The following GSE1 variants were observed in gnomAD, a reference collection of about 807,000 sequenced individuals.
The protein encoded by GSE1 is Gse1 coiled-coil protein.
Under a neutral mutation model 112.6 loss-of-function variants are expected in GSE1, and 32 were observed. The observed-to-expected ratio is 0.28, with a 90% CI of 0.21 to 0.38. The LOEUF is 0.38. Ranked by LOEUF, GSE1 falls within the 10% of genes least tolerant of loss-of-function variation. The probability of loss-of-function intolerance (pLI) is 1.00; values close to 1 mark genes in which losing one functional copy is unlikely to be tolerated. For missense variants in GSE1, 2,348 were observed against 1,699.2 expected, an observed-to-expected ratio of 1.38 and a Z score of -6.71; for synonymous variants, 1,115 against 735.6, an observed-to-expected ratio of 1.52 and a Z score of -8.35.
At chr16:85,181,298 G>A (rs1422161459) in intron 1 of GSE1, among the ~76,000 whole-genome samples, 1 of 152,196 alleles carries the variant, frequency 6.6e-6, no homozygotes, top group South Asian at 2.1e-4. Context: ...TATCATTCCC[G>A]CTTTTCAGAT....
intron 2 of GSE1, among the ~76,000 whole-genome samples, chr16:85,641,866 T>C (rs2050477916): frequency 6.6e-6 from 1 of 152,230 alleles, no homozygotes; most frequent in African/African-American, 2.4e-5. Context: ...GCCAAGGGGC[T>C]GGACCTCCTC....
chr16:85,216,009 C>T (rs1597819665), intron 1 of GSE1, among the ~76,000 whole-genome samples: 2 of 152,328 alleles, frequency 1.3e-5, no homozygotes, highest in South Asian at 4.1e-4. Context: ...GTGTTCCCTT[C>T]AGCCCTGGGG....
chr16:85,493,149 C>A (rs375739140), intron 2 of GSE1, among the ~76,000 whole-genome samples: 2 of 152,178 alleles, frequency 1.3e-5, no homozygotes, highest in South Asian at 4.1e-4. Flanking sequence ...GCAGAGGCCC[C>A]AGGCAGAACT....
intron 2 of GSE1, among the ~76,000 whole-genome samples, chr16:85,382,808 T>A (rs556953557): frequency 1.4e-5 from 2 of 145,992 alleles, no homozygotes; most frequent in African/African-American, 5.2e-5. Flanking sequence ...GCACACACAC[T>A]CATACACACA....
chr16:85,369,991 C>T lies in GSE1; in HGVS notation c.2464+12348C>T, dbSNP rs535217690. Among the ~76,000 whole-genome samples, 18 of 152,174 alleles carry T rather than the reference C, an allele frequency of 1.2e-4. No individual in the cohort carries two copies. In the East Asian group the frequency reaches 3.5e-3, roughly 29 times the overall value. ...TGGGAACACGGGGCTGATGACGGAGCCCCCTTGAGAGGGTGGCCTCAGTTA... is the reference window on the plus strand; with the variant it reads ...TGGGAACACGGGGCTGATGACGGAGTCCCCTTGAGAGGGTGGCCTCAGTTA... On this transcript the variant is annotated intron_variant, in intron 2 of 2. Transcript: ENST00000637419.
At chr16:85,227,880 C>T (rs572386550) in intron 1 of GSE1, among the ~76,000 whole-genome samples, 1 of 152,324 alleles carries the variant, frequency 6.6e-6, no homozygotes, top group African/African-American at 2.4e-5. Flanking sequence ...GAGGGAGGGC[C>T]CTACCTTCAC....
At chr16:85,450,117 CTTTTTTT>C (rs59854597) in intron 2 of GSE1, among the ~76,000 whole-genome samples, 4 of 79,506 alleles carry the variant, frequency 5.0e-5, no homozygotes, top group Admixed American at 1.6e-4. Context: ...AGGCAGCTGA[CTTTTTTT>C]TTTTTTTTTT....
intron 2 of GSE1, among the ~76,000 whole-genome samples, chr16:85,413,699 A>C (rs1053869901): frequency 6.6e-6 from 1 of 152,176 alleles, no homozygotes; most frequent in Non-Finnish European, 1.5e-5. Context: ...GAGGAATTTA[A>C]CATAGAGAAT....
chr16:85,389,784 C>G (rs1380042538), intron 2 of GSE1, among the ~76,000 whole-genome samples: 4 of 152,200 alleles, frequency 2.6e-5, no homozygotes, highest in Non-Finnish European at 4.4e-5. Flanking sequence ...TGAATCCCCA[C>G]GAGCCTGCAA....
chr16:85,381,526 C>G (rs1227046073), intron 2 of GSE1, among the ~76,000 whole-genome samples: 15 of 152,214 alleles, frequency 9.9e-5, no homozygotes, highest in African/African-American at 3.6e-4. Flanking sequence ...TTAACAAGCA[C>G]ATACGTAGCT....
chr16:85,315,889 C>T (rs866361800), intron 1 of GSE1, among the ~76,000 whole-genome samples: 3 of 152,264 alleles, frequency 2.0e-5, no homozygotes, highest in African/African-American at 4.8e-5. Flanking sequence ...CAAGTGTATC[C>T]GCTGCATCCC....
intron 1 of GSE1, among the ~76,000 whole-genome samples, chr16:85,189,542 C>G (rs1191612655): frequency 6.6e-6 from 1 of 152,182 alleles, no homozygotes. Context: ...AAGTATATGT[C>G]TTTAAAAACC....
chr16:85,265,344 G>A (rs1161072572), intron 1 of GSE1, among the ~76,000 whole-genome samples: 2 of 152,132 alleles, frequency 1.3e-5, no homozygotes, highest in Admixed American at 6.5e-5. Context: ...TCCGCTGGGT[G>A]GAGGCAGACA....
chr16:85,371,641 A>G (rs1249178835), intron 2 of GSE1, among the ~76,000 whole-genome samples: 1 of 152,134 alleles, frequency 6.6e-6, no homozygotes, highest in Non-Finnish European at 1.5e-5. Flanking sequence ...TGGCACCCCT[A>G]TTGTACTGTG....
intron 2 of GSE1, among the ~76,000 whole-genome samples, chr16:85,456,379 G>T (rs138766932): frequency 1.3e-5 from 2 of 152,258 alleles, no homozygotes; most frequent in East Asian, 3.9e-4. Flanking sequence ...GCTTGTTCTG[G>T]AACATGAGAG....
chr16:85,670,462 G>A (rs1424928109), intron 14 of GSE1, among the ~76,000 whole-genome samples: 1 of 152,032 alleles, frequency 6.6e-6, no homozygotes, highest in African/African-American at 2.4e-5. Flanking sequence ...GTTAGTATTA[G>A]ACTCTAGTTT....
rs575218703 is a variant in GSE1, at chr16:85,589,956, TGA to T, written c.37+33597_37+33598del. On this transcript the variant is annotated intron_variant, in intron 1 of 2. Coordinates refer to the GSE1 transcript ENST00000635906. ...GAACGTGTGTGACATTGTGGGAATG[TGA>T]GAGTGATCGTGTGGTGTGTGAATGC... Among the ~76,000 whole-genome samples, 347 of 151,860 alleles carry T rather than the reference TGA, an allele frequency of 2.3e-3. 3 individuals are homozygous for T. Among genetic ancestry groups the T allele is most frequent in the African/African-American group, 8.1e-3 (334 of 41,376 alleles).
intron 1 of GSE1, among the ~76,000 whole-genome samples, chr16:85,294,587 C>T (rs1597317369): frequency 6.7e-6 from 1 of 148,766 alleles, no homozygotes; most frequent in Non-Finnish European, 1.5e-5. Flanking sequence ...TCACATTCAG[C>T]CTTCCTGGAT....
chr16:85,539,020 G>T (rs544320063), intron 2 of GSE1, among the ~76,000 whole-genome samples: 1 of 152,202 alleles, frequency 6.6e-6, no homozygotes, highest in African/African-American at 2.4e-5. Context: ...CTTCAAGGCC[G>T]GTGCCCCTGC....
Sources: gnomAD v4.1 joint callset for allele counts (sites outside exome capture counted in the v4.1 genomes callset) on GRCh38, gnomAD v4.1.1 for gene constraint, MANE v1.5 for transcripts, NCBI Gene and HGNC (gene_info 2026-07-23, HGNC 2026-07-21) for gene names.